Variants in SPOCK1 observed in about 807,000 individuals in gnomAD.
The protein encoded by SPOCK1 is testican-1.
Under a neutral mutation model 55.3 loss-of-function variants are expected in SPOCK1, and 23 were observed. The observed-to-expected ratio is 0.42, with a 90% CI of 0.30 to 0.59. The LOEUF is 0.59. Among genes scored for constraint, SPOCK1 ranks in the 20% least tolerant of loss-of-function variants. The pLI is 0.22. For synonymous variants in SPOCK1, 226 were observed against 221.0 expected (o/e 1.02, Z -0.20); for missense variants, 499 against 552.5 (o/e 0.90, Z 0.97).
intron 2 of SPOCK1, among the ~76,000 whole-genome samples, chr5:137,268,181 T>A (rs1021549589): frequency 6.6e-6 from 1 of 152,220 alleles, no homozygotes; most frequent in African/African-American, 2.4e-5. Context: ...CTTTATTATA[T>A]CCTTGTTGAG....
chr5:137,260,331 G>A (rs2127112219), intron 3 of SPOCK1, among the ~76,000 whole-genome samples: 1 of 152,202 alleles, frequency 6.6e-6, no homozygotes. Context: ...AATTAATTGT[G>A]ATATATTAAT....
chr5:137,327,008 AC>A (rs1283365000), intron 2 of SPOCK1, among the ~76,000 whole-genome samples: 2 of 152,208 alleles, frequency 1.3e-5, no homozygotes, highest in Admixed American at 1.3e-4. Flanking sequence ...AAACAAACAA[AC>A]AAACAAACAA....
At chr5:137,177,415 A>G (rs1418324645) in intron 3 of SPOCK1, among the ~76,000 whole-genome samples, 1 of 152,136 alleles carries the variant, frequency 6.6e-6, no homozygotes, top group Non-Finnish European at 1.5e-5. Context: ...GCCCTTGGCA[A>G]CAGCTGGGTT....
chr5:137,410,733 A>C (rs566642136), intron 2 of SPOCK1, among the ~76,000 whole-genome samples: 117 of 152,322 alleles, frequency 7.7e-4, no homozygotes, highest in African/African-American at 2.8e-3. Flanking sequence ...TTCAGAAGGG[A>C]GTGTGCCACA....
chr5:137,101,942 T>C (rs1454596207), intron 5 of SPOCK1, among the ~76,000 whole-genome samples: 1 of 152,214 alleles, frequency 6.6e-6, no homozygotes, highest in Non-Finnish European at 1.5e-5. Context: ...ATGTCTGGGA[T>C]AAAAACTTGC....
chr5:137,402,628 C>T (rs779390855), intron 2 of SPOCK1, among the ~76,000 whole-genome samples: 1 of 152,208 alleles, frequency 6.6e-6, no homozygotes, highest in South Asian at 2.1e-4. Flanking sequence ...TAGACCTCAA[C>T]CTGCTCCCCG....
intron 2 of SPOCK1, among the ~76,000 whole-genome samples, chr5:137,427,315 T>C (rs138450072): frequency 3.7e-4 from 56 of 152,344 alleles, no homozygotes; most frequent in African/African-American, 1.3e-3. Flanking sequence ...CACTGGTTGA[T>C]ACTTTTATGC....
chr5:137,068,873 T>A (rs1319950411), intron 5 of SPOCK1, among the ~76,000 whole-genome samples: 1 of 152,138 alleles, frequency 6.6e-6, no homozygotes, highest in East Asian at 1.9e-4. Flanking sequence ...TTTCTCAAGA[T>A]CAAGACCGGT....
chr5:137,062,147 G>A (rs908072649), intron 6 of SPOCK1, among the ~76,000 whole-genome samples: 1 of 152,160 alleles, frequency 6.6e-6, no homozygotes, highest in African/African-American at 2.4e-5. Flanking sequence ...TCACTCTGGA[G>A]GAGATCTGAG....
At chr5:137,173,922 G>A (rs1257358847) in intron 3 of SPOCK1, among the ~76,000 whole-genome samples, 6 of 152,110 alleles carry the variant, frequency 3.9e-5, no homozygotes, top group Admixed American at 6.6e-5. Flanking sequence ...ACAATGCCAC[G>A]AAGTATGTGT....
intron 3 of SPOCK1, among the ~76,000 whole-genome samples, chr5:137,246,342 C>T (rs1561483186): frequency 6.6e-6 from 1 of 152,192 alleles, no homozygotes; most frequent in Non-Finnish European, 1.5e-5. Context: ...GACCAGTAAA[C>T]TGTCTGCCAT....
At chr5:137,149,536 A>G (rs1422596283) in intron 3 of SPOCK1, among the ~76,000 whole-genome samples, 1 of 152,250 alleles carries the variant, frequency 6.6e-6, no homozygotes, top group East Asian at 1.9e-4. Flanking sequence ...TAAAAATCAA[A>G]TATTTCCTGG....
chr5:137,371,327 G>A (rs1331145199), intron 2 of SPOCK1, among the ~76,000 whole-genome samples: 1 of 152,218 alleles, frequency 6.6e-6, no homozygotes, highest in Non-Finnish European at 1.5e-5. Flanking sequence ...GAGGGCTACT[G>A]TGAGCATTAA....
intron 2 of SPOCK1, among the ~76,000 whole-genome samples, chr5:137,325,887 G>A (rs972541296): frequency 2.0e-5 from 3 of 152,198 alleles, no homozygotes; most frequent in African/African-American, 7.2e-5. Context: ...AGACATGTGG[G>A]AGTAACACAT....
chr5:137,328,369 C>G (rs552327950), intron 2 of SPOCK1, among the ~76,000 whole-genome samples: 5 of 152,288 alleles, frequency 3.3e-5, no homozygotes, highest in African/African-American at 1.2e-4. Flanking sequence ...AGAAATAAAT[C>G]TCTCATTTAA....
rs184955145 is a variant in SPOCK1, at chr5:137,114,653, G to A, written c.348-2092C>T. On this transcript the variant is annotated intron_variant, in intron 4 of 10. Coordinates refer to ENST00000394945, the MANE Select transcript of SPOCK1 (RefSeq NM_004598.4). ...GGTGGGACTCCTTGTGGTGAAAGAG[G>A]GGGCTGTCAGCATGGGGTTAATCTT... Among the ~76,000 whole-genome samples the A allele has an allele frequency of 3.3e-5, 5 of 152,318 alleles. No homozygotes were observed. The East Asian group carries it at 9.6e-4, about 29-fold the overall frequency.
chr5:137,428,092 G>T (rs1246338619), intron 2 of SPOCK1, among the ~76,000 whole-genome samples: 1 of 152,032 alleles, frequency 6.6e-6, no homozygotes, highest in Non-Finnish European at 1.5e-5. Context: ...CTATGGATAA[G>T]CCAAGCCATG....
intron 6 of SPOCK1, among the ~76,000 whole-genome samples, chr5:137,019,228 T>C (rs1430143489): frequency 6.6e-6 from 1 of 152,172 alleles, no homozygotes; most frequent in Non-Finnish European, 1.5e-5. Flanking sequence ...TACTTGCTTG[T>C]GCAGAAAGTT....
intron 2 of SPOCK1, among the ~76,000 whole-genome samples, chr5:137,310,349 A>G (rs1757768518): frequency 1.3e-5 from 2 of 152,206 alleles, no homozygotes; most frequent in South Asian, 4.1e-4. Context: ...TGTAATTATA[A>G]ACACCACAGC....
Sources: gnomAD v4.1 joint callset for allele counts (sites outside exome capture counted in the v4.1 genomes callset) on GRCh38, gnomAD v4.1.1 for gene constraint, MANE v1.5 for transcripts, NCBI Gene and HGNC (gene_info 2026-07-23, HGNC 2026-07-21) for gene names.